ITGB2: variants seen among roughly 807,000 people sequenced by gnomAD.
ITGB2 encodes the protein integrin subunit beta 2.
ITGB2 carries 56 observed loss-of-function variants against 86.8 expected under a neutral mutation model. The ratio of observed to expected loss-of-function variants is 0.65; its 90% confidence interval spans 0.52 to 0.81. The LOEUF (loss-of-function observed/expected upper bound fraction) is 0.81. ITGB2 is among the 30% of genes least tolerant of loss of function. The pLI is 0.00. For missense variants in ITGB2, 948 were observed against 1,061.2 expected (o/e 0.89, Z 1.48); for synonymous variants, 457 against 450.4 (o/e 1.01, Z -0.19).
At chr21:44,926,953 G>A (rs1390624871) in intron 1 of ITGB2, 1 of 152,252 alleles carries the variant, frequency 6.6e-6, no homozygotes, top group African/African-American at 2.4e-5. Flanking sequence ...ATGACACAAG[G>A]CAGATGAGAG....
At chr21:44,912,709 C>T (rs2084151754) in intron 1 of ITGB2, among the ~76,000 whole-genome samples, 1 of 152,148 alleles carries the variant, frequency 6.6e-6, no homozygotes, top group Non-Finnish European at 1.5e-5. Flanking sequence ...AGTCCTGCGC[C>T]TGGACTGACC....
At chr21:44,901,856 A>T in intron 5 of ITGB2, 123 bp from the exon 6 acceptor site, 1 of 1,085,324 alleles carries the variant, frequency 9.2e-7, no homozygotes. Context: ...AGAAAGCAAG[A>T]TGGCACATGT....
At position 44,910,353 on chromosome 21, in the gene ITGB2, C is replaced by A. The variant is rs753813421; in HGVS notation, c.78G>T (p.Thr26=). ...CCCGGCAGCTGCTGACCTTGAACTT[C>A]GTGCACTCCTGAGAGAGGACTGAGG... ...SLGCVLSQEC[T]KFKVSSCREC... is the part of the protein sequence containing the mutation. The change falls in exon 3 of 16, where the codon ACG becomes ACT. Residue 26 remains threonine (T), a synonymous_variant. Coordinates refer to ENST00000652462, the MANE Select transcript of ITGB2 (RefSeq NM_000211.5). 6 of 1,614,046 alleles carry A rather than the reference C, an allele frequency of 3.7e-6. No homozygotes were observed. In the South Asian group the frequency reaches 5.5e-5, roughly 15 times the overall value.
chr21:44,890,980 T>C (rs560082423), intron 11 of ITGB2, among the ~76,000 whole-genome samples: 1 of 151,658 alleles, frequency 6.6e-6, no homozygotes, highest in East Asian at 2.0e-4. Flanking sequence ...GAGACCATCA[T>C]TGTCCTGAGA....
At chr21:44,890,351 G>A (rs1186005736) in intron 11 of ITGB2, 129 bp from the exon 12 acceptor site, 3 of 1,174,536 alleles carry the variant, frequency 2.6e-6, no homozygotes, top group Non-Finnish European at 3.7e-6. Context: ...TTTCCTCGAG[G>A]CCTACTGAGC....
chr21:44,914,271 C>G (rs2084171651), intron 1 of ITGB2: 1 of 152,540 alleles, frequency 6.6e-6, no homozygotes, highest in Non-Finnish European at 1.5e-5. Flanking sequence ...AACCTTGCAT[C>G]AGAGTCGCCC....
chr21:44,889,466 G>T lies in ITGB2; in HGVS notation c.1687C>A (p.Arg563Ser). The T allele has an allele frequency of 6.3e-7, 1 of 1,585,794 alleles. No homozygotes were observed. The highest frequency in any genetic ancestry group is 1.8e-5 in the Admixed American group (1 of 55,500). ...GAGCCCTCAAAGCCCGGGTGGCAGC[G>T]GCACTTCCCGCAGAAGCAGAGCCCC... Reference protein sequence around the residue: ...GRGLCFCGKCRCHPGFEGSAC... With the variant: ...GRGLCFCGKCSCHPGFEGSAC... The change falls in exon 13 of 16, where the codon CGC becomes AGC. Residue 563 changes from arginine to serine, a missense_variant. By Grantham distance (110) the Arg-to-Ser change is moderately radical. Transcript: ENST00000652462.
intron 6 of ITGB2, among the ~76,000 whole-genome samples, 185 bp downstream of exon 6, chr21:44,901,307 C>T (rs2083953179): frequency 6.6e-6 from 1 of 152,240 alleles, no homozygotes; most frequent in Non-Finnish European, 1.5e-5. Context: ...CTCGTGGTCA[C>T]CCTCCCTTCC....
At chr21:44,890,792 G>T (rs1290680200) in intron 11 of ITGB2, among the ~76,000 whole-genome samples, 4 of 152,180 alleles carry the variant, frequency 2.6e-5, no homozygotes, top group Non-Finnish European at 5.9e-5. Flanking sequence ...AGAGGAGGAA[G>T]CTGCAGGACC....
intron 1 of ITGB2, among the ~76,000 whole-genome samples, chr21:44,915,354 C>T (rs1240229270): frequency 6.6e-6 from 1 of 152,116 alleles, no homozygotes; most frequent in African/African-American, 2.4e-5. Context: ...CCCGTAAAAC[C>T]CTAAGACGAG....
intron 8 of ITGB2, among the ~76,000 whole-genome samples, chr21:44,896,313 G>C (rs1266108965): frequency 6.6e-6 from 1 of 152,258 alleles, no homozygotes; most frequent in African/African-American, 2.4e-5. Context: ...AAAATCACCA[G>C]GAAGCCATCG....
rs762222242 is a variant in ITGB2, at chr21:44,891,952, C to A, written c.1269G>T (p.Glu423Asp). 1 of 1,613,368 alleles carries A rather than the reference C, an allele frequency of 6.2e-7. No homozygotes were observed. The highest frequency in any genetic ancestry group is 8.5e-7 in the Non-Finnish European group (1 of 1,180,002). ...CCAGCGCCCGGATGACAAACGACTGCTCCTGGATGCACTCTGTGGCCGTGA... is the reference window on the plus strand; with the variant it reads ...CCAGCGCCCGGATGACAAACGACTGATCCTGGATGCACTCTGTGGCCGTGA... ...VKVTATECIQEQSFVIRALGF... is the reference protein window; with the variant it reads ...VKVTATECIQDQSFVIRALGF... Residue 423 changes from glutamate to aspartate, a missense_variant, in exon 11 of 16, where the codon GAG becomes GAT. Glu to Asp is a conservative substitution (Grantham distance 45, BLOSUM62 2). Coordinates refer to ENST00000652462, the MANE Select transcript of ITGB2 (RefSeq NM_000211.5).
At chr21:44,910,828 C>T (rs763152551) in intron 1 of ITGB2, 43 bp from the exon 2 acceptor site, 1 of 1,586,376 alleles carries the variant, frequency 6.3e-7, no homozygotes, top group Admixed American at 1.8e-5. Flanking sequence ...AGGCCCAACC[C>T]CTGGGGCTGA....
intron 1 of ITGB2, chr21:44,927,112 C>T (rs770501183): frequency 6.6e-6 from 1 of 152,562 alleles, no homozygotes; most frequent in Non-Finnish European, 1.5e-5. Flanking sequence ...AGCTTCCACC[C>T]CCATAACACA....
intron 8 of ITGB2, among the ~76,000 whole-genome samples, chr21:44,895,294 C>T (rs907027290): frequency 1.3e-4 from 20 of 152,170 alleles, no homozygotes; most frequent in Non-Finnish European, 2.8e-4. Flanking sequence ...ACTCGGGAGG[C>T]CGATGTGGGA....
chr21:44,894,844 G>C, intron 9 of ITGB2, 127 bp downstream of exon 9: 2 of 743,362 alleles, frequency 2.7e-6, no homozygotes, highest in East Asian at 5.2e-5. Context: ...GGAGGCTGCA[G>C]CTGGCCCACG....
At chr21:44,903,588 G>T in intron 4 of ITGB2, 53 bp from the exon 5 acceptor site, 1 of 1,607,372 alleles carries the variant, frequency 6.2e-7, no homozygotes, top group Non-Finnish European at 8.5e-7. Flanking sequence ...CACACAGGGT[G>T]TCTGGGGGCG....
Position 44,904,958 on chromosome 21 carries a change from C to T in ITGB2, c.329-1423G>A, listed in dbSNP as rs35585534. On this transcript the variant is annotated intron_variant, in intron 4 of 15. Coordinates refer to ENST00000652462, the MANE Select transcript of ITGB2 (RefSeq NM_000211.5). ...AGCCCTCAGAGGCTTCACTTGGCCTCTGGGCCAAGGACCCCAATCACTTTC... is the reference window on the plus strand; with the variant it reads ...AGCCCTCAGAGGCTTCACTTGGCCTTTGGGCCAAGGACCCCAATCACTTTC... 4.9e-3 allele frequency among the ~76,000 whole-genome samples: 749 copies of T among 152,358 alleles called. 1 individual carries two copies. The highest frequency in any genetic ancestry group is 7.3e-3 in the Non-Finnish European group (495 of 68,028).
chr21:44,916,634 G>A (rs536525816), intron 1 of ITGB2, among the ~76,000 whole-genome samples: 33 of 152,244 alleles, frequency 2.2e-4, no homozygotes, highest in Middle Eastern at 3.4e-3. Flanking sequence ...TTGGGAGGCT[G>A]AGGCAGGCGG....
Sources: allele counts gnomAD v4.1 joint callset (sites outside exome capture counted in the v4.1 genomes callset), GRCh38; gene constraint gnomAD v4.1.1; transcripts MANE v1.5; gene names NCBI Gene and HGNC (gene_info 2026-07-23, HGNC 2026-07-21).